Variants in STK32A observed in about 807,000 individuals in gnomAD.
The protein encoded by STK32A is serine/threonine-protein kinase 32A.
In STK32A, 41 loss-of-function variants were observed where a neutral mutation model predicts 53.2. The ratio of observed to expected loss-of-function variants is 0.77; its 90% CI spans 0.60 to 1.00. STK32A has a LOEUF of 1.00. Ranked by LOEUF, STK32A falls within the 50% of genes least tolerant of loss-of-function variation. The pLI, the probability that STK32A is intolerant of heterozygous loss-of-function variation, is 0.00. For synonymous variants in STK32A, 166 were observed against 162.8 expected (o/e 1.02, Z -0.15); for missense variants, 458 against 485.8 (o/e 0.94, Z 0.54).
chr5:147,286,140 T>A (rs1418722816), intron 4 of STK32A, among the ~76,000 whole-genome samples: 2 of 152,146 alleles, frequency 1.3e-5, no homozygotes, highest in Non-Finnish European at 2.9e-5. Flanking sequence ...TGGATGAGAT[T>A]GGAGACTATT....
At chr5:147,277,146 A>G (rs1751775088) in intron 2 of STK32A, among the ~76,000 whole-genome samples, 1 of 152,204 alleles carries the variant, frequency 6.6e-6, no homozygotes. Context: ...GTTCTTTTAA[A>G]GAGACAAATT....
chr5:147,375,207 G>T lies in STK32A; in HGVS notation c.1021G>T (p.Asp341Tyr). The change falls in exon 11 of 13, where the codon GAT (aspartate) becomes TAT (tyrosine). Residue 341 changes from aspartate to tyrosine, a missense_variant. By Grantham distance (160) the Asp-to-Tyr change is radical (BLOSUM62 -3). Transcript: ENST00000397936. ...AKKEKDMRKC[D>Y]SSQTCLLQEH... ...GAAGGAGAAGGATATGAGGAAATGC[G>T]ATTCTTCTCAGGTAAGCAGGTCCCC... 6.2e-7 allele frequency: 1 copy of T among 1,610,622 alleles called. No homozygotes were observed. Among genetic ancestry groups the T allele is most frequent in the Non-Finnish European group, 8.5e-7 (1 of 1,178,446 alleles).
chr5:147,342,810 G>A lies in STK32A; in HGVS notation c.435-196G>A. 5 of 560,862 alleles carry A rather than the reference G, an allele frequency of 8.9e-6. No individual in the cohort carries two copies. The South Asian group carries it at 1.3e-4, about 14-fold the overall frequency. 34.7% of individuals were successfully genotyped at this position (560,862 alleles called of 1,614,324 possible). A position where few individuals can be genotyped will look rare whatever the true frequency, so the allele number is the denominator to read the frequency against. On this transcript the variant is annotated intron_variant, in intron 5 of 12. Coordinates refer to ENST00000397936, the MANE Select transcript of STK32A (RefSeq NM_001112724.2). ...TTACTAGCCTGTGACCTTGGGTTAA[G>A]CTTCAGTTTTCTGATTTAAAAATTG...
At chr5:147,395,781 G>A in the STK32A span, 4 of 1,588,564 alleles carry the variant, frequency 2.5e-6, no homozygotes, top group East Asian at 2.2e-5. Flanking sequence ...GTCTGTTCTA[G>A]GTATCATAAA....
chr5:147,370,500 A>G (rs563297591), intron 8 of STK32A, among the ~76,000 whole-genome samples, 154 bp from the exon 9 acceptor site: 1 of 152,278 alleles, frequency 6.6e-6, no homozygotes, highest in South Asian at 2.1e-4. Flanking sequence ...ACACAGGACC[A>G]CCTACACATA....
intron 5 of STK32A, among the ~76,000 whole-genome samples, chr5:147,330,633 AG>A (rs1177572883): frequency 6.6e-6 from 1 of 152,232 alleles, no homozygotes; most frequent in Non-Finnish European, 1.5e-5. Context: ...GGAAGAAGTG[AG>A]GAGGTTTCAA....
chr5:147,397,501 TTAATAGTACA>T, the STK32A span, among the ~76,000 whole-genome samples: 2 of 152,222 alleles, frequency 1.3e-5, no homozygotes, highest in African/African-American at 2.4e-5. Flanking sequence ...AACACCCTCT[TTAATAGTACA>T]TTAAGTCTGT....
chr5:147,379,289 T>C (rs1757361533), intron 11 of STK32A, among the ~76,000 whole-genome samples: 1 of 151,932 alleles, frequency 6.6e-6, no homozygotes, highest in Non-Finnish European at 1.5e-5. Context: ...TGGGTTTCAG[T>C]ATTTTAAAAA....
intron 7 of STK32A, among the ~76,000 whole-genome samples, chr5:147,357,319 CA>C (rs1235081069): frequency 1.3e-5 from 2 of 151,806 alleles, no homozygotes; most frequent in African/African-American, 2.4e-5. Flanking sequence ...TTAATTGTCC[CA>C]AAAAAGGTAG....
chr5:147,372,772 A>T (rs1757056205), intron 9 of STK32A, among the ~76,000 whole-genome samples: 1 of 152,190 alleles, frequency 6.6e-6, no homozygotes, highest in Non-Finnish European at 1.5e-5. Flanking sequence ...AAATGTATCA[A>T]CATTTGTCAC....
chr5:147,350,792 CA>C (rs200681937), intron 6 of STK32A, among the ~76,000 whole-genome samples: 1,851 of 152,278 alleles, frequency 0.012, 23 homozygotes, highest in South Asian at 0.04. Context: ...CACCAACAGA[CA>C]AAAGATGCCT....
chr5:147,400,650 T>C, the STK32A span: 1 of 1,604,134 alleles, frequency 6.2e-7, no homozygotes. Context: ...GGCCCATGGA[T>C]GTTTTGGCTC....
the STK32A span, chr5:147,394,162 C>CA: frequency 5.7e-6 from 9 of 1,572,060 alleles, no homozygotes; most frequent in Middle Eastern, 3.4e-4. Flanking sequence ...AAAAAAAAAA[C>CA]AGAGTGGCGG....
intron 5 of STK32A, among the ~76,000 whole-genome samples, chr5:147,340,303 C>T (rs1755343216): frequency 6.6e-6 from 1 of 152,152 alleles, no homozygotes; most frequent in South Asian, 2.1e-4. Context: ...GGTCTGAATG[C>T]CCCTGATAAG....
At position 147,385,633 on chromosome 5, in the gene STK32A, A is replaced by T. The variant is rs1031057308; in HGVS notation, c.*1650A>T. 6.6e-6 allele frequency: 1 copy of T among 152,204 alleles called. No individual in the cohort carries two copies. Among genetic ancestry groups the T allele is most frequent in the Non-Finnish European group, 1.5e-5 (1 of 68,036 alleles). The allele number at this position is 152,204 out of a possible 1,614,324, so 9.4% of individuals were successfully genotyped here. On this transcript the variant is annotated 3_prime_UTR_variant, in exon 13 of 13. Transcript: ENST00000397936. ...TTTATATTTTATTTATTGATTTGCCACAAAGTTTAATTCACCTAAGTGAGA... is the reference window on the plus strand; with the variant it reads ...TTTATATTTTATTTATTGATTTGCCTCAAAGTTTAATTCACCTAAGTGAGA...
chr5:147,328,309 A>C (rs937023201), intron 5 of STK32A, among the ~76,000 whole-genome samples: 5 of 152,222 alleles, frequency 3.3e-5, no homozygotes, highest in Non-Finnish European at 7.3e-5. Context: ...TTTAAAAAAA[A>C]CCATAAGATC....
At chr5:147,370,142 T>C (rs1241347757) in intron 8 of STK32A, among the ~76,000 whole-genome samples, 7 of 152,130 alleles carry the variant, frequency 4.6e-5, no homozygotes, top group Non-Finnish European at 1.0e-4. Flanking sequence ...CAGGGACTCA[T>C]AGCATTTGTG....
intron 4 of STK32A, among the ~76,000 whole-genome samples, chr5:147,301,001 TA>T (rs1171046201): frequency 1.3e-5 from 2 of 152,232 alleles, no homozygotes; most frequent in African/African-American, 4.8e-5. Flanking sequence ...AATCAACTGA[TA>T]AAAGGCAGAT....
intron 5 of STK32A, among the ~76,000 whole-genome samples, chr5:147,340,444 T>C (rs1191331236): frequency 6.6e-6 from 1 of 152,218 alleles, no homozygotes; most frequent in East Asian, 1.9e-4. Context: ...ATATTTATTT[T>C]TACTTGAGAA....
Sources: gnomAD v4.1 joint callset for allele counts (sites outside exome capture counted in the v4.1 genomes callset) on GRCh38, gnomAD v4.1.1 for gene constraint, MANE v1.5 for transcripts, NCBI Gene and HGNC (gene_info 2026-07-23, HGNC 2026-07-21) for gene names.